Variants in TRAPPC3L observed in about 807,000 individuals in gnomAD.
TRAPPC3L encodes trafficking protein particle complex subunit 3L, also known as trafficking protein particle complex subunit 3-like protein.
TRAPPC3L carries 23 observed loss-of-function variants against 23.7 expected under a neutral mutation model. The ratio of observed to expected loss-of-function variants is 0.97; its 90% CI spans 0.70 to 1.37. The LOEUF (loss-of-function observed/expected upper bound fraction) is 1.37. TRAPPC3L is among the 40% of genes most tolerant of loss of function. The pLI, the probability that TRAPPC3L is intolerant of heterozygous loss-of-function variation, is 0.00. For synonymous variants in TRAPPC3L, 81 were observed against 77.9 expected (o/e 1.04, Z -0.21); for missense variants, 212 against 216.8 (o/e 0.98, Z 0.14).
Position 116,543,813 on chromosome 6 carries a change from A to G in TRAPPC3L, c.43-413T>C, listed in dbSNP as rs1459456838. On this transcript the variant is annotated intron_variant, in intron 1 of 4. Transcript: ENST00000368602. ...CTTCTCAGGCGTCTGCACAATCCCT[A>G]ATGGCCCCCAGATCTGCCAAGGAGA... 4 of 1,534,106 alleles carry G rather than the reference A, an allele frequency of 2.6e-6. No homozygotes were observed. The South Asian group carries it at 4.8e-5, about 18-fold the overall frequency.
At chr6:116,515,782 C>T (rs202108807) in intron 3 of TRAPPC3L, 2 of 1,613,988 alleles carry the variant, frequency 1.2e-6, no homozygotes, top group East Asian at 2.2e-5. Context: ...GCGAGAGGAA[C>T]CTGAAATGTT....
At chr6:116,534,108 G>GT (rs34484876) in intron 3 of TRAPPC3L, among the ~76,000 whole-genome samples, 101 of 150,070 alleles carry the variant, frequency 6.7e-4, no homozygotes, top group African/African-American at 8.8e-4. Context: ...TCTGTAGTGC[G>GT]TTTTTTTTTT....
chr6:116,543,674 A>C, intron 1 of TRAPPC3L: 1 of 746,708 alleles, frequency 1.3e-6, no homozygotes, highest in Non-Finnish European at 2.2e-6. Flanking sequence ...GATAACTTGC[A>C]ATGTATTTTC....
At chr6:116,504,432 A>T (rs1192372792) in intron 3 of TRAPPC3L, among the ~76,000 whole-genome samples, 1 of 152,220 alleles carries the variant, frequency 6.6e-6, no homozygotes. Context: ...ACGGATTCAC[A>T]GCCAAATTCT....
At chr6:116,524,311 A>T (rs1006883408) in intron 3 of TRAPPC3L, 1 of 152,230 alleles carries the variant, frequency 6.6e-6, no homozygotes, top group Non-Finnish European at 1.5e-5. Flanking sequence ...TTCATAAGGT[A>T]CACAACAAAA....
intron 3 of TRAPPC3L, among the ~76,000 whole-genome samples, chr6:116,507,497 G>T (rs771882683): frequency 6.6e-6 from 1 of 152,056 alleles, no homozygotes; most frequent in Non-Finnish European, 1.5e-5. Flanking sequence ...CTCACTGTCC[G>T]TACTCCATAC....
intron 3 of TRAPPC3L, among the ~76,000 whole-genome samples, chr6:116,534,032 C>A (rs926741764): frequency 6.6e-5 from 10 of 152,152 alleles, no homozygotes; most frequent in African/African-American, 2.4e-4. Flanking sequence ...TGAATCCCAG[C>A]CTTAAGAAGT....
intron 3 of TRAPPC3L, chr6:116,520,886 A>G (rs931326227): frequency 4.6e-5 from 7 of 152,042 alleles, no homozygotes; most frequent in Non-Finnish European, 2.9e-5. Context: ...TTGGGCTGGG[A>G]TGAACTTTCA....
At chr6:116,532,866 CA>C (rs1365322638) in intron 3 of TRAPPC3L, among the ~76,000 whole-genome samples, 1 of 152,190 alleles carries the variant, frequency 6.6e-6, no homozygotes, top group Non-Finnish European at 1.5e-5. Flanking sequence ...CTTACCTTTA[CA>C]AAGTTGCTTT....
Position 116,545,629 on chromosome 6 carries a change from G to T in TRAPPC3L, c.-115C>A. The T allele has an allele frequency of 1.1e-6, 1 of 885,512 alleles. No homozygotes were observed. 54.9% of individuals were successfully genotyped at this position (885,512 alleles called of 1,614,324 possible). On this transcript the variant is annotated 5_prime_UTR_variant, in exon 1 of 5. Transcript: ENST00000368602. Reference sequence around the variant, plus strand: ...TTTTGTAAGCTCTTCCTCGCTTTGAGACAGGAGTGCTGCTTCTGCACTCTG... The same window carrying T: ...TTTTGTAAGCTCTTCCTCGCTTTGATACAGGAGTGCTGCTTCTGCACTCTG...
chr6:116,496,571 T>A lies in TRAPPC3L; in HGVS notation c.*383A>T. The A allele has an allele frequency of 5.8e-6, 1 of 172,994 alleles. No homozygotes were observed. The highest frequency in any genetic ancestry group is 1.5e-4 in the South Asian group (1 of 6,868). The allele number at this position is 172,994 out of a possible 1,614,324, so 10.7% of individuals were successfully genotyped here. ...TCTATATATAGGAAACTCTATGCTA[T>A]ATCATTTCATTCTTTTTTTTTCAGC... On this transcript the variant is annotated 3_prime_UTR_variant, in exon 5 of 5. Transcript: ENST00000368602.
At chr6:116,506,810 A>T (rs1772014821) in intron 3 of TRAPPC3L, among the ~76,000 whole-genome samples, 1 of 152,218 alleles carries the variant, frequency 6.6e-6, no homozygotes, top group Admixed American at 6.5e-5. Flanking sequence ...TGGGAGTTGA[A>T]CAATGAGAAC....
intron 4 of TRAPPC3L, among the ~76,000 whole-genome samples, chr6:116,497,896 T>G (rs1771856614): frequency 6.6e-6 from 1 of 152,244 alleles, no homozygotes; most frequent in Admixed American, 6.5e-5. Flanking sequence ...GAATCTTACC[T>G]AACTCAGTCC....
chr6:116,516,658 CA>C (rs1772230822), intron 3 of TRAPPC3L: 1 of 96,798 alleles, frequency 1.0e-5, no homozygotes, highest in Non-Finnish European at 2.0e-5. Context: ...ATAGTAGTAA[CA>C]AATATATATA....
At chr6:116,511,951 G>A (rs1345740994) in intron 3 of TRAPPC3L, 1 of 1,613,944 alleles carries the variant, frequency 6.2e-7, no homozygotes, top group Non-Finnish European at 8.5e-7. Flanking sequence ...TGAATCCCAG[G>A]AAAATCTTTC....
At chr6:116,539,285 CT>C (rs34947970) in intron 3 of TRAPPC3L, among the ~76,000 whole-genome samples, 1 of 152,188 alleles carries the variant, frequency 6.6e-6, no homozygotes, top group South Asian at 2.1e-4. Flanking sequence ...TAAAAAGGGA[CT>C]TTTTTCCCCA....
intron 3 of TRAPPC3L, among the ~76,000 whole-genome samples, chr6:116,509,711 A>T (rs1772073138): frequency 6.6e-6 from 1 of 152,200 alleles, no homozygotes. Context: ...AAGATGTGAA[A>T]CCATAAAATT....
intron 3 of TRAPPC3L, chr6:116,512,009 C>T: frequency 6.2e-7 from 1 of 1,614,072 alleles, no homozygotes; most frequent in African/African-American, 1.3e-5. Context: ...CCAGATCACT[C>T]TGAGCTCATT....
chr6:116,527,926 G>A (rs562162593), intron 3 of TRAPPC3L, among the ~76,000 whole-genome samples: 7 of 152,264 alleles, frequency 4.6e-5, no homozygotes, highest in Non-Finnish European at 8.8e-5. Context: ...AGAAGCCTGC[G>A]CGTTCAGCAC....
Sources: gnomAD v4.1 joint callset for allele counts (sites outside exome capture counted in the v4.1 genomes callset) on GRCh38, gnomAD v4.1.1 for gene constraint, MANE v1.5 for transcripts, NCBI Gene and HGNC (gene_info 2026-07-23, HGNC 2026-07-21) for gene names.